Variants in PPP6R3 observed in about 807,000 individuals in gnomAD.
PPP6R3 encodes protein phosphatase 6 regulatory subunit 3.
PPP6R3 carries 38 observed loss-of-function variants against 110.7 expected under a neutral mutation model. The ratio of observed to expected loss-of-function variants is 0.34; its 90% confidence interval spans 0.26 to 0.45. PPP6R3 has a LOEUF of 0.45. Ranked by LOEUF, PPP6R3 falls within the 20% of genes least tolerant of loss-of-function variation. The pLI is 1.00. For missense variants in PPP6R3, 870 were observed against 1,062.4 expected (o/e 0.82, Z 2.52); for synonymous variants, 369 against 373.5 (o/e 0.99, Z 0.14).
At chr11:68,578,380 A>G (rs2099540247) in intron 14 of PPP6R3, among the ~76,000 whole-genome samples, 1 of 152,230 alleles carries the variant, frequency 6.6e-6, no homozygotes, top group African/African-American at 2.4e-5. Context: ...CCTTCTTAAC[A>G]TGCTTGTCAC....
chr11:68,557,843 C>T (rs116573692), intron 7 of PPP6R3, among the ~76,000 whole-genome samples: 1,710 of 152,206 alleles, frequency 0.011, 30 homozygotes, highest in African/African-American at 0.039. Flanking sequence ...ACATGGATTT[C>T]GAAAATTACT....
At chr11:68,494,253 C>T (rs900942375) in intron 1 of PPP6R3, among the ~76,000 whole-genome samples, 7 of 151,272 alleles carry the variant, frequency 4.6e-5, no homozygotes, top group East Asian at 1.9e-4. Context: ...TGGCCGGGCA[C>T]GGTGGCTCAC....
At chr11:68,485,407 C>T (rs1447444394) in intron 1 of PPP6R3, among the ~76,000 whole-genome samples, 1 of 151,700 alleles carries the variant, frequency 6.6e-6, no homozygotes, top group Non-Finnish European at 1.5e-5. Flanking sequence ...CTAGGACTTC[C>T]AGTATGATAT....
intron 1 of PPP6R3, among the ~76,000 whole-genome samples, chr11:68,491,328 CTGTGTGTGTGTGTGTGTGTGTGTGTGTG>C (rs60972668): frequency 1.6e-5 from 2 of 123,480 alleles, no homozygotes; most frequent in African/African-American, 6.0e-5. Context: ...GTGTCTTCAG[CTGTGTGTGTGTGTGTGTGTGTGTGTGTG>C]TGTGTGTGTG....
chr11:68,540,558 AG>A (rs2153657447), intron 3 of PPP6R3, among the ~76,000 whole-genome samples: 1 of 152,326 alleles, frequency 6.6e-6, no homozygotes, highest in South Asian at 2.1e-4. Context: ...ATCAGGAGAC[AG>A]GGTTTTGAGA....
intron 7 of PPP6R3, among the ~76,000 whole-genome samples, chr11:68,556,511 G>A (rs538610636): frequency 2.1e-4 from 29 of 137,884 alleles, no homozygotes; most frequent in African/African-American, 7.9e-4. Flanking sequence ...GAGCCAGTTG[G>A]TTTTTTGTAA....
chr11:68,500,821 G>T (rs1169005704), intron 1 of PPP6R3, among the ~76,000 whole-genome samples: 2 of 152,212 alleles, frequency 1.3e-5, no homozygotes, highest in African/African-American at 4.8e-5. Context: ...GTTGTGATCT[G>T]TCTCTGGAGG....
At chr11:68,496,182 CTTT>C (rs200004744) in intron 1 of PPP6R3, among the ~76,000 whole-genome samples, 1 of 144,298 alleles carries the variant, frequency 6.9e-6, no homozygotes. Context: ...CTTTTCTTTT[CTTT>C]TTTTTTTTTT....
chr11:68,508,495 C>T (rs2099090888), intron 1 of PPP6R3, among the ~76,000 whole-genome samples: 1 of 151,964 alleles, frequency 6.6e-6, no homozygotes, highest in Admixed American at 6.6e-5. Flanking sequence ...CCTTTATTTT[C>T]CTAGACTATA....
At position 68,567,203 on chromosome 11, in the gene PPP6R3, C is replaced by G. The variant is rs574171638; in HGVS notation, c.1128+37C>G. The G allele has an allele frequency of 3.3e-6, 5 of 1,497,150 alleles. No individual in the cohort carries two copies. The East Asian group carries it at 1.3e-4, about 38-fold the overall frequency. The allele number at this position is 1,497,150 out of a possible 1,614,324, so 92.7% of individuals were successfully genotyped here. On this transcript the variant is annotated intron_variant, in intron 10 of 23. Coordinates refer to ENST00000393800, the MANE Select transcript of PPP6R3 (RefSeq NM_001164161.2). ...CCTGCTCACAGACATTTTAATTTGC[C>G]ATTGATATTTCATGGATATTTAACC...
At chr11:68,479,599 T>C (rs1330396253) in intron 1 of PPP6R3, among the ~76,000 whole-genome samples, 1 of 152,234 alleles carries the variant, frequency 6.6e-6, no homozygotes, top group African/African-American at 2.4e-5. Flanking sequence ...TAGATGTCAG[T>C]CGTTTCTCTG....
intron 1 of PPP6R3, among the ~76,000 whole-genome samples, chr11:68,492,736 A>G (rs1164371847): frequency 6.6e-6 from 1 of 152,196 alleles, no homozygotes; most frequent in Non-Finnish European, 1.5e-5. Flanking sequence ...CCAGTGGCAC[A>G]TGAGGGTTCC....
chr11:68,567,275 T>A, intron 10 of PPP6R3, 109 bp downstream of exon 10: 1 of 1,232,578 alleles, frequency 8.1e-7, no homozygotes, highest in Non-Finnish European at 1.1e-6. Context: ...CTTTTCTTGG[T>A]CTGAGCATAA....
intron 2 of PPP6R3, among the ~76,000 whole-genome samples, chr11:68,534,707 T>C (rs1419713979): frequency 6.6e-6 from 1 of 152,244 alleles, no homozygotes; most frequent in African/African-American, 2.4e-5. Flanking sequence ...TATTTCTTAG[T>C]ATTTTTCATA....
intron 1 of PPP6R3, among the ~76,000 whole-genome samples, chr11:68,462,870 G>A (rs192540663): frequency 6.0e-4 from 91 of 152,292 alleles, no homozygotes; most frequent in Admixed American, 5.7e-3. Flanking sequence ...CTTAAGTAGA[G>A]ATGAGTATCT....
At chr11:68,487,099 T>A (rs1039185408) in intron 1 of PPP6R3, among the ~76,000 whole-genome samples, 3 of 152,220 alleles carry the variant, frequency 2.0e-5, no homozygotes, top group Admixed American at 6.5e-5. Flanking sequence ...ATTCTTCTTT[T>A]CTTATGCTTA....
intron 1 of PPP6R3, among the ~76,000 whole-genome samples, chr11:68,469,162 T>A (rs1011224220): frequency 6.6e-6 from 1 of 152,220 alleles, no homozygotes; most frequent in Non-Finnish European, 1.5e-5. Flanking sequence ...GCTTTTGTAG[T>A]GTGAAAGCAG....
chr11:68,461,931 G>A (rs2098710825), intron 1 of PPP6R3, among the ~76,000 whole-genome samples: 1 of 152,236 alleles, frequency 6.6e-6, no homozygotes, highest in Admixed American at 6.5e-5. Context: ...GCAAGTGTAT[G>A]AGACCCAGTT....
At chr11:68,523,596 G>A (rs112280967) in intron 2 of PPP6R3, among the ~76,000 whole-genome samples, 1 of 151,896 alleles carries the variant, frequency 6.6e-6, no homozygotes, top group Non-Finnish European at 1.5e-5. Flanking sequence ...CAGTACCTTG[G>A]GGGGATCTGT....
Sources: gnomAD v4.1 joint callset for allele counts (sites outside exome capture counted in the v4.1 genomes callset) on GRCh38, gnomAD v4.1.1 for gene constraint, MANE v1.5 for transcripts, NCBI Gene and HGNC (gene_info 2026-07-23, HGNC 2026-07-21) for gene names.